Variants in SNX16 observed in about 807,000 individuals in gnomAD.
The protein encoded by SNX16 is sorting nexin 16, also known as sorting nexin-16.
A neutral mutation model predicts 36.7 loss-of-function variants in SNX16; 35 were observed. The ratio of observed to expected loss-of-function variants is 0.95; its 90% confidence interval spans 0.73 to 1.27. The LOEUF (loss-of-function observed/expected upper bound fraction) is 1.27. SNX16 is among the 50% of genes most tolerant of loss of function. The pLI is 0.00. For synonymous variants in SNX16, 134 were observed against 132.0 expected, an observed-to-expected ratio of 1.02 and a Z score of -0.10; for missense variants, 367 against 393.6, an observed-to-expected ratio of 0.93 and a Z score of 0.57.
chr8:81,842,087 G>T (rs942270869), intron 1 of SNX16, 35 bp downstream of exon 1: 28 of 151,792 alleles, frequency 1.8e-4, no homozygotes, highest in African/African-American at 6.0e-4. Flanking sequence ...CCGGGACAGC[G>T]ACCGCCTGTC....
intron 5 of SNX16, among the ~76,000 whole-genome samples, chr8:81,813,955 T>C (rs1810372747): frequency 6.6e-6 from 1 of 151,986 alleles, no homozygotes. Context: ...AAACTAAAAC[T>C]CTCGTACAGT....
chr8:81,838,033 T>G (rs1345798219), intron 2 of SNX16, among the ~76,000 whole-genome samples: 1 of 152,184 alleles, frequency 6.6e-6, no homozygotes, highest in African/African-American at 2.4e-5. Context: ...GTAAACCTTT[T>G]GAGTTAATAA....
chr8:81,816,663 T>C (rs750145485), intron 4 of SNX16, among the ~76,000 whole-genome samples: 1 of 152,184 alleles, frequency 6.6e-6, no homozygotes, highest in Non-Finnish European at 1.5e-5. Context: ...ACATATTCTA[T>C]TGTATTTAAT....
intron 2 of SNX16, among the ~76,000 whole-genome samples, chr8:81,838,579 A>G (rs1478672625): frequency 2.6e-5 from 4 of 151,604 alleles, no homozygotes; most frequent in Non-Finnish European, 4.4e-5. Context: ...ATCTGGAAAA[A>G]AAAAAAAAAA....
intron 3 of SNX16, among the ~76,000 whole-genome samples, chr8:81,824,847 C>G (rs907028465): frequency 6.6e-6 from 1 of 152,110 alleles, no homozygotes; most frequent in Non-Finnish European, 1.5e-5. Context: ...TGATATATCT[C>G]TATTATGCAA....
Position 81,822,964 on chromosome 8 carries a change from A to ATATGTATATG in SNX16, c.611+827_611+828insCATATACATA, listed in dbSNP as rs1554546267. Among the ~76,000 whole-genome samples the ATATGTATATG allele has an allele frequency of 9.8e-3, 1,246 of 127,136 alleles. 22 individuals are homozygous for ATATGTATATG. The highest frequency in any genetic ancestry group is 0.034 in the Admixed American group (419 of 12,402). 83.4% of individuals were successfully genotyped at this position (127,136 alleles called of 152,430 possible). On this transcript the variant is annotated intron_variant, in intron 4 of 7. Transcript: ENST00000345957. ...TACATATACATATATATATATATAT[A>ATATGTATATG]TATATATATATACACATATGTGTGT...
intron 2 of SNX16, among the ~76,000 whole-genome samples, chr8:81,838,193 C>G (rs113961012): frequency 7.9e-5 from 12 of 151,842 alleles, no homozygotes; most frequent in African/African-American, 2.4e-4. Context: ...ATGTAAGAAC[C>G]CTGCACCAAA....
intron 2 of SNX16, among the ~76,000 whole-genome samples, chr8:81,830,777 C>T (rs1345719430): frequency 1.3e-5 from 2 of 152,056 alleles, no homozygotes; most frequent in African/African-American, 4.8e-5. Context: ...CTAAAATCCA[C>T]ATGGCACCAA....
intron 2 of SNX16, among the ~76,000 whole-genome samples, chr8:81,836,448 C>G (rs752179307): frequency 6.6e-6 from 1 of 152,148 alleles, no homozygotes; most frequent in Non-Finnish European, 1.5e-5. Context: ...GTTGAACAGA[C>G]ATATCAAATC....
Position 81,803,096 on chromosome 8 carries a change from T to A in SNX16, c.814A>T (p.Ile272Phe), listed in dbSNP as rs1420330644. 2 of 1,605,822 alleles carry A rather than the reference T, an allele frequency of 1.2e-6. No homozygotes were observed. Among genetic ancestry groups the A allele is most frequent in the African/African-American group, 1.3e-5 (1 of 74,352 alleles). Reference protein sequence around the residue: ...QLHIDTLENRIRTLSLEPEES... With the variant: ...QLHIDTLENRFRTLSLEPEES... The stretch of plus-strand genomic sequence containing the variant: ...AATGCAAGTATCACAACACACCTGA[T>A]TCTGTTCTCTAAAGTGTCTATATGA... Residue 272 changes from isoleucine (I) to phenylalanine (F), a missense_variant, in exon 6 of 8, where the codon ATC (isoleucine) becomes TTC (phenylalanine). Coordinates refer to ENST00000345957, the MANE Select transcript of SNX16 (RefSeq NM_152836.3).
At position 81,839,649 on chromosome 8, in the gene SNX16, A is replaced by G; in HGVS notation, c.338T>C (p.Leu113Pro). 1 of 1,613,786 alleles carries G rather than the reference A, an allele frequency of 6.2e-7. No individual in the cohort carries two copies. Among genetic ancestry groups the G allele is most frequent in the Non-Finnish European group, 8.5e-7 (1 of 1,179,796 alleles). Reference protein sequence around the residue: ...WEDRPSTPTILGYEVMEERAK... With the variant: ...WEDRPSTPTIPGYEVMEERAK... Reference sequence around the variant, plus strand: ...TCTTTCTTCCATCACTTCATAACCCAGTATAGTAGGTGTAGATGGTCTATC... The same window carrying G: ...TCTTTCTTCCATCACTTCATAACCCGGTATAGTAGGTGTAGATGGTCTATC... Residue 113 changes from leucine (L) to proline (P), a missense_variant, in exon 2 of 8, where the codon CTG becomes CCG. Coordinates refer to ENST00000345957, the MANE Select transcript of SNX16 (RefSeq NM_152836.3).
intron 2 of SNX16, among the ~76,000 whole-genome samples, chr8:81,832,279 T>C (rs1349614890): frequency 6.6e-6 from 1 of 152,148 alleles, no homozygotes; most frequent in Non-Finnish European, 1.5e-5. Context: ...TGTATAGAGG[T>C]ACAGGCCATT....
At chr8:81,818,325 T>C (rs1032068118) in intron 4 of SNX16, among the ~76,000 whole-genome samples, 5 of 152,096 alleles carry the variant, frequency 3.3e-5, no homozygotes, top group African/African-American at 1.2e-4. Flanking sequence ...ATATCTTAAA[T>C]TTTCTTTTTT....
intron 5 of SNX16, chr8:81,808,596 A>G: frequency 2.1e-6 from 2 of 961,276 alleles, no homozygotes; most frequent in South Asian, 1.3e-5. Context: ...TTTTGGACCC[A>G]TGAAGATGGG....
At chr8:81,835,294 C>A (rs1172805285) in intron 2 of SNX16, among the ~76,000 whole-genome samples, 1 of 152,190 alleles carries the variant, frequency 6.6e-6, no homozygotes, top group Non-Finnish European at 1.5e-5. Context: ...TTTCCTCCTA[C>A]GCCTTTGGGC....
At position 81,802,304 on chromosome 8, in the gene SNX16, ATACTC is replaced by A. The variant is rs1470645883; in HGVS notation, c.938+71_938+75del. 3 of 1,165,582 alleles carry A rather than the reference ATACTC, an allele frequency of 2.6e-6. No homozygotes were observed. The East Asian group carries it at 8.7e-5, about 34-fold the overall frequency. 72.2% of individuals were successfully genotyped at this position (1,165,582 alleles called of 1,614,324 possible). A position where few individuals can be genotyped will look rare whatever the true frequency, so the allele number is the denominator to read the frequency against. ...ACAGTAACACTGAGTTCATAAAAAA[ATACTC>A]TATAGAGTATTAGAATCACTTTCCT... On this transcript the variant is annotated intron_variant, in intron 7 of 7. Transcript: ENST00000345957.
chr8:81,808,815 C>T (rs1436875524), intron 5 of SNX16: 4 of 734,824 alleles, frequency 5.4e-6, no homozygotes, highest in Non-Finnish European at 9.6e-6. Context: ...GTGAAGTCAG[C>T]CAAGCACAGT....
At chr8:81,816,072 A>C (rs1810471063) in intron 4 of SNX16, among the ~76,000 whole-genome samples, 1 of 152,192 alleles carries the variant, frequency 6.6e-6, no homozygotes, top group Admixed American at 6.5e-5. Flanking sequence ...GCAAGTTTGG[A>C]CTGTTGAACT....
intron 5 of SNX16, among the ~76,000 whole-genome samples, chr8:81,813,046 A>T (rs747711661): frequency 6.6e-6 from 1 of 151,958 alleles, no homozygotes; most frequent in Non-Finnish European, 1.5e-5. Context: ...ATGGAGACAG[A>T]TGAGAGAAAC....
Sources: allele counts gnomAD v4.1 joint callset (sites outside exome capture counted in the v4.1 genomes callset), GRCh38; gene constraint gnomAD v4.1.1; transcripts MANE v1.5; gene names NCBI Gene and HGNC (gene_info 2026-07-23, HGNC 2026-07-21).